The following CLIP1 variants were observed in gnomAD, a reference collection of about 807,000 sequenced individuals.
CLIP1 encodes CAP-Gly domain-containing linker protein 1.
CLIP1 carries 66 observed loss-of-function variants against 161.6 expected under a neutral mutation model. That is an observed-to-expected ratio of 0.41 (90% confidence interval 0.33 to 0.50). The LOEUF (loss-of-function observed/expected upper bound fraction) is 0.50. CLIP1 is among the 20% of genes least tolerant of loss of function. The pLI, the probability that CLIP1 is intolerant of heterozygous loss-of-function variation, is 0.27. For synonymous variants in CLIP1, 598 were observed against 626.2 expected (o/e 0.96, Z 0.67); for missense variants, 1,376 against 1,702.0 (o/e 0.81, Z 3.37).
intron 3 of CLIP1, chr12:122,365,397 A>G: frequency 2.4e-6 from 2 of 826,230 alleles, no homozygotes; most frequent in Non-Finnish European, 4.2e-6. Context: ...AACAAGGGCA[A>G]GATTCTTGCC....
At chr12:122,283,038 C>T (rs1020715197) in intron 21 of CLIP1, among the ~76,000 whole-genome samples, 1 of 152,180 alleles carries the variant, frequency 6.6e-6, no homozygotes, top group African/African-American at 2.4e-5. Flanking sequence ...TAACAGAAAT[C>T]CTGCACTGGC....
At chr12:122,415,720 G>A (rs903151214) in intron 1 of CLIP1, among the ~76,000 whole-genome samples, 7 of 151,914 alleles carry the variant, frequency 4.6e-5, no homozygotes, top group Non-Finnish European at 1.0e-4. Context: ...TCAAGAGGCT[G>A]AGGCAGGAGA....
chr12:122,340,698 T>C, intron 11 of CLIP1, 55 bp downstream of exon 11: 1 of 1,414,248 alleles, frequency 7.1e-7, no homozygotes, highest in Non-Finnish European at 9.6e-7. Context: ...AGTAACATAA[T>C]GCAAAACAAG....
chr12:122,420,795 G>T (rs1309619607), intron 1 of CLIP1, among the ~76,000 whole-genome samples: 1 of 151,902 alleles, frequency 6.6e-6, no homozygotes, highest in African/African-American at 2.4e-5. Flanking sequence ...AATTAGCCGG[G>T]CGTGGTGGCG....
intron 10 of CLIP1, among the ~76,000 whole-genome samples, chr12:122,346,076 G>A (rs1166002399): frequency 6.6e-6 from 1 of 151,946 alleles, no homozygotes; most frequent in Non-Finnish European, 1.5e-5. Flanking sequence ...ATGAGCCACC[G>A]CGCCTGGCCA....
chr12:122,316,737 AT>A lies in CLIP1; in HGVS notation c.3473+11del, dbSNP rs1951287832. The A allele has an allele frequency of 1.4e-6, 2 of 1,431,954 alleles. No homozygotes were observed. The highest frequency in any genetic ancestry group is 2.9e-5 in the African/African-American group (2 of 69,702). The allele number at this position is 1,431,954 out of a possible 1,614,324, so 88.7% of individuals were successfully genotyped here. A position where few individuals can be genotyped will look rare whatever the true frequency, so the allele number is the denominator to read the frequency against. On this transcript the variant is annotated intron_variant, in intron 19 of 25. Coordinates refer to ENST00000620786, the MANE Select transcript of CLIP1 (RefSeq NM_001247997.2). ...AAATTCCATATTTTTTTCTCAAAGGATAGAAACTTACATTTCTTTCCTAAAT... is the reference window on the plus strand; with the variant it reads ...AAATTCCATATTTTTTTCTCAAAGGAAGAAACTTACATTTCTTTCCTAAAT...
chr12:122,407,998 G>C (rs190307333), intron 1 of CLIP1, among the ~76,000 whole-genome samples: 12 of 151,898 alleles, frequency 7.9e-5, no homozygotes, highest in African/African-American at 2.9e-4. Context: ...CCAGCACTTT[G>C]GGAGGCCGAG....
intron 20 of CLIP1, among the ~76,000 whole-genome samples, chr12:122,300,296 AT>A (rs1252832688): frequency 6.6e-6 from 1 of 152,182 alleles, no homozygotes; most frequent in Non-Finnish European, 1.5e-5. Context: ...AGACCATAAC[AT>A]TAGCTGAATG....
intron 20 of CLIP1, among the ~76,000 whole-genome samples, chr12:122,293,053 T>C (rs1246105340): frequency 7.4e-6 from 1 of 135,514 alleles, no homozygotes; most frequent in Non-Finnish European, 1.6e-5. Flanking sequence ...AATCCACAGA[T>C]GGGGAGAAAA....
chr12:122,339,734 G>A (rs984819668), intron 11 of CLIP1, among the ~76,000 whole-genome samples: 1 of 152,164 alleles, frequency 6.6e-6, no homozygotes, highest in African/African-American at 2.4e-5. Flanking sequence ...GATATCTTAT[G>A]AGAAATGCAT....
At chr12:122,274,405 C>T in intron 24 of CLIP1, 1 of 351,798 alleles carries the variant, frequency 2.8e-6, no homozygotes, top group African/African-American at 2.0e-5. Context: ...GTTTCTTTTA[C>T]CCCCTCACAC....
At chr12:122,307,639 C>G (rs1383017566) in intron 20 of CLIP1, among the ~76,000 whole-genome samples, 2 of 152,152 alleles carry the variant, frequency 1.3e-5, no homozygotes, top group Non-Finnish European at 2.9e-5. Context: ...TCTGACTTAA[C>G]TGGAGAAAGC....
chr12:122,358,210 T>C (rs7961382), intron 5 of CLIP1, among the ~76,000 whole-genome samples: 11,156 of 151,094 alleles, frequency 0.074, 1,321 homozygotes, highest in African/African-American at 0.26. Flanking sequence ...CGGTGCAAGA[T>C]GTGCTTTGTT....
In CLIP1 at chr12:122,320,040, C is replaced by T. The variant is rs192637625; in HGVS notation, c.3250-692G>A. ...CTGTAATCCCAGCACTTTGGGAGGCCGAGGCAGGCGGATCACGAGGTCAAG... is the reference window on the plus strand; with the variant it reads ...CTGTAATCCCAGCACTTTGGGAGGCTGAGGCAGGCGGATCACGAGGTCAAG... On this transcript the variant is annotated intron_variant, in intron 17 of 25. Transcript: ENST00000620786. Among the ~76,000 whole-genome samples, 111 of 151,864 alleles carry T rather than the reference C, an allele frequency of 7.3e-4. 1 individual carries two copies. The highest frequency in any genetic ancestry group is 2.4e-3 in the African/African-American group (100 of 41,402).
chr12:122,341,318 G>A lies in CLIP1; in HGVS notation c.1886C>T (p.Thr629Ile). Residue 629 changes from threonine (T) to isoleucine (I), a missense_variant, in exon 11 of 26, where the codon ACT (threonine) becomes ATT (isoleucine). By Grantham distance (89) the Thr-to-Ile change is moderately conservative (BLOSUM62 -1). Around this residue, in one of 6 missense-constraint regions of CLIP1, gnomAD observed 948 missense variants for 1,134.8 expected, o/e 0.84. Transcript: ENST00000620786. ...CGCCTGCTGGTGGGATGCGATGGCA[G>A]TCTCCAGTTTGGACTTCCATAGAGC... ...VIALWKSKLE[T>I]AIASHQQAME... 1.2e-6 allele frequency: 2 copies of A among 1,613,994 alleles called. No homozygotes were observed. The highest frequency in any genetic ancestry group is 1.7e-6 in the Non-Finnish European group (2 of 1,179,910).
chr12:122,375,808 CT>C (rs10715025), intron 3 of CLIP1, among the ~76,000 whole-genome samples: 112,030 of 120,312 alleles, frequency 0.93, 51,950 homozygotes, highest in East Asian at 0.97. Context: ...TAAAGTTACT[CT>C]TTTTTTTTTT....
At chr12:122,412,060 C>CTTTTTTTT (rs71082989) in intron 1 of CLIP1, among the ~76,000 whole-genome samples, 2 of 81,578 alleles carry the variant, frequency 2.5e-5, no homozygotes, top group Non-Finnish European at 4.7e-5. Flanking sequence ...CAGTTATTTT[C>CTTTTTTTT]TTTTTTTTTT....
chr12:122,288,094 G>A lies in CLIP1; in HGVS notation c.3647+395C>T, dbSNP rs187376872. Reference sequence around the variant, plus strand: ...GTTGCCCAGGCTGGAGTGCAGTGGCGCGATCTCGGCTCACTGCAACCTCCG... The same window carrying A: ...GTTGCCCAGGCTGGAGTGCAGTGGCACGATCTCGGCTCACTGCAACCTCCG... On this transcript the variant is annotated intron_variant, in intron 21 of 25. Coordinates refer to ENST00000620786, the MANE Select transcript of CLIP1 (RefSeq NM_001247997.2). 1.5e-3 allele frequency among the ~76,000 whole-genome samples: 228 copies of A among 151,612 alleles called. 2 individuals are homozygous for A. In the South Asian group the frequency reaches 0.02, roughly 13 times the overall value.
Position 122,279,347 on chromosome 12 carries a change from C to G in CLIP1, c.3648-202G>C, listed in dbSNP as rs1454780715. ...TACTGTGAGGGGAGAAAAAGTTTAC[C>G]TATGCATAGACATGCCAGAGTCTGC... On this transcript the variant is annotated intron_variant, in intron 21 of 25. Coordinates refer to ENST00000620786, the MANE Select transcript of CLIP1 (RefSeq NM_001247997.2). This position sits in a 1 kb window ranked among gnomAD's most constrained non-coding sequence, Gnocchi z 4.5. The G allele has an allele frequency of 8.5e-6, 3 of 353,550 alleles. No homozygotes were observed. Among genetic ancestry groups the G allele is most frequent in the Non-Finnish European group, 1.5e-5 (3 of 196,874 alleles). 21.9% of individuals were successfully genotyped at this position (353,550 alleles called of 1,614,324 possible).
Sources: allele counts gnomAD v4.1 joint callset (sites outside exome capture counted in the v4.1 genomes callset), GRCh38; gene constraint gnomAD v4.1.1; regional missense constraint gnomAD v4.1.1; non-coding constraint Gnocchi (gnomAD v3.1); transcripts MANE v1.5; gene names NCBI Gene and HGNC (gene_info 2026-07-23, HGNC 2026-07-21).